ATCAY: variants seen among roughly 807,000 people sequenced by gnomAD.
ATCAY encodes the protein caytaxin.
In ATCAY, 22 loss-of-function variants were observed where a neutral mutation model predicts 47.7. The observed-to-expected ratio is 0.46, with a 90% CI of 0.33 to 0.66. The LOEUF (loss-of-function observed/expected upper bound fraction) is 0.66, where lower values mean the gene tolerates loss of function less well. Among genes scored for constraint, ATCAY ranks in the 30% least tolerant of loss-of-function variants. The probability of loss-of-function intolerance (pLI) is 0.02; values close to 1 mark genes in which losing one functional copy is unlikely to be tolerated. For synonymous variants in ATCAY, 216 were observed against 207.6 expected, an observed-to-expected ratio of 1.04 and a Z score of -0.35; for missense variants, 452 against 515.0, an observed-to-expected ratio of 0.88 and a Z score of 1.18.
At chr19:3,903,479 A>G (rs1001436318) in intron 3 of ATCAY, among the ~76,000 whole-genome samples, 1 of 152,046 alleles carries the variant, frequency 6.6e-6, no homozygotes, top group Non-Finnish European at 1.5e-5. Context: ...AGCCCCACTT[A>G]ACGACATTCA....
intron 2 of ATCAY, among the ~76,000 whole-genome samples, chr19:3,901,304 T>C (rs917695112): frequency 6.6e-6 from 1 of 152,226 alleles, no homozygotes; most frequent in African/African-American, 2.4e-5. Context: ...CAGTGACTTA[T>C]TTATATCCGT....
In ATCAY at chr19:3,923,187, C is replaced by A. The variant is rs560203868; in HGVS notation, c.1107-1396C>A. ...GCTTAAGGGGCACTGAGTAAAAGTT[C>A]TCAATGTATTTCTGAAAAGACCACC... On this transcript the variant is annotated intron_variant, in intron 12 of 12. Transcript: ENST00000450849. Among the ~76,000 whole-genome samples the A allele has an allele frequency of 1.8e-3, 217 of 118,826 alleles. 1 individual carries two copies. The highest frequency in any genetic ancestry group is 4.1e-3 in the Admixed American group (46 of 11,194). The allele number at this position is 118,826 out of a possible 152,430, so 78.0% of individuals were successfully genotyped here. A position where few individuals can be genotyped will look rare whatever the true frequency, so the allele number is the denominator to read the frequency against.
intron 1 of ATCAY, among the ~76,000 whole-genome samples, chr19:3,881,890 C>A: frequency 7.2e-6 from 1 of 139,534 alleles, no homozygotes; most frequent in Non-Finnish European, 1.5e-5. Context: ...CCCATAGCAT[C>A]CAGGAGGGAT....
In ATCAY at chr19:3,891,304, G is replaced by A. The variant is rs150577928; in HGVS notation, c.77+5460G>A. Among the ~76,000 whole-genome samples the A allele has an allele frequency of 2.5e-3, 374 of 151,920 alleles. 4 individuals are homozygous for A. The highest frequency in any genetic ancestry group is 7.7e-3 in the African/African-American group (318 of 41,458). ...TAACCTCAAGTGATTCGCCTGCCTC[G>A]GCCTCCCAAAGTGCTGGGATTACAG... On this transcript the variant is annotated intron_variant, in intron 2 of 12. Transcript: ENST00000450849.
chr19:3,913,735 C>T (rs564066627), intron 8 of ATCAY, 23 bp from the exon 9 acceptor site: 3 of 1,605,634 alleles, frequency 1.9e-6, no homozygotes, highest in East Asian at 4.5e-5. Flanking sequence ...TTTCAGACCT[C>T]TCCCTCCTTC....
chr19:3,893,000 A>G (rs1475784045), intron 2 of ATCAY, among the ~76,000 whole-genome samples: 3 of 152,112 alleles, frequency 2.0e-5, no homozygotes, highest in African/African-American at 7.2e-5. Context: ...CCAAGACCCA[A>G]TCTGGGACCA....
At chr19:3,885,609 AG>A in intron 1 of ATCAY, 117 bp from the exon 2 acceptor site, 1 of 443,440 alleles carries the variant, frequency 2.3e-6, no homozygotes, top group Non-Finnish European at 3.8e-6. Flanking sequence ...AGAGAGGGGG[AG>A]GGGAAGGGGG....
chr19:3,889,295 A>C (rs994997298), intron 2 of ATCAY, among the ~76,000 whole-genome samples: 3 of 152,126 alleles, frequency 2.0e-5, no homozygotes, highest in African/African-American at 7.2e-5. Context: ...TGCCTGTAAT[A>C]CCAGCTACTC....
At chr19:3,887,387 G>T (rs1225090710) in intron 2 of ATCAY, among the ~76,000 whole-genome samples, 1 of 152,056 alleles carries the variant, frequency 6.6e-6, no homozygotes, top group East Asian at 1.9e-4. Context: ...GAGCCCAGAA[G>T]GCAGAGGTTG....
At chr19:3,899,759 G>A (rs143315274) in intron 2 of ATCAY, among the ~76,000 whole-genome samples, 10 of 152,224 alleles carry the variant, frequency 6.6e-5, no homozygotes, top group East Asian at 1.9e-4. Context: ...ACGCCCTGCC[G>A]CTAGGACCTC....
intron 4 of ATCAY, 42 bp downstream of exon 4, chr19:3,905,697 C>T (rs1599287504): frequency 1.9e-6 from 3 of 1,540,476 alleles, no homozygotes; most frequent in East Asian, 2.3e-5. Flanking sequence ...GAGCCCACCC[C>T]CCCCACCCCA....
intron 2 of ATCAY, 144 bp downstream of exon 2, chr19:3,885,988 A>G: frequency 1.3e-6 from 1 of 760,446 alleles, no homozygotes; most frequent in South Asian, 1.6e-5. Flanking sequence ...TCTCCCGCAC[A>G]CTCTGGGAGG....
intron 2 of ATCAY, chr19:3,893,586 T>C (rs952842557): frequency 6.6e-6 from 1 of 152,114 alleles, no homozygotes; most frequent in Non-Finnish European, 1.5e-5. Context: ...GATCTCCAAG[T>C]CTGGAGAGTC....
chr19:3,887,474 T>C (rs561517419), intron 2 of ATCAY, among the ~76,000 whole-genome samples: 1 of 150,604 alleles, frequency 6.6e-6, no homozygotes, highest in South Asian at 2.1e-4. Context: ...ATTTTATTTT[T>C]TTTATTTTAT....
intron 12 of ATCAY, among the ~76,000 whole-genome samples, 194 bp from the exon 13 acceptor site, chr19:3,924,389 G>A (rs1359391445): frequency 6.6e-6 from 1 of 152,174 alleles, no homozygotes; most frequent in African/African-American, 2.4e-5. Context: ...TGAGGCACCA[G>A]GAAGGAGGCC....
intron 8 of ATCAY, 60 bp from the exon 9 acceptor site, chr19:3,913,698 T>G: frequency 7.4e-7 from 1 of 1,352,730 alleles, no homozygotes; most frequent in Non-Finnish European, 1.0e-6. Flanking sequence ...TGTCTGGACC[T>G]AGGTAACCCC....
chr19:3,902,202 G>A (rs1008531327), intron 2 of ATCAY, among the ~76,000 whole-genome samples: 1 of 151,640 alleles, frequency 6.6e-6, no homozygotes, highest in African/African-American at 2.4e-5. Context: ...TGCACCTGTA[G>A]TCCCAGCTAC....
Position 3,923,544 on chromosome 19 carries a change from G to A in ATCAY, c.1107-1039G>A, listed in dbSNP as rs375158666. On this transcript the variant is annotated intron_variant, in intron 12 of 12. Transcript: ENST00000450849. ...ATGGGAGGATAGATGGATGATAGGT[G>A]GATGGATGGATGGATAAATGGATGG... Among the ~76,000 whole-genome samples, 25 of 150,616 alleles carry A rather than the reference G, an allele frequency of 1.7e-4. No individual in the cohort carries two copies. The East Asian group carries it at 4.8e-3, about 29-fold the overall frequency.
rs141455019 is a variant in ATCAY at position 3,924,905 on chromosome 19, G to A, written c.*313G>A. 643 of 364,282 alleles carry A rather than the reference G, an allele frequency of 1.8e-3. No individual in the cohort carries two copies. Among genetic ancestry groups the A allele is most frequent in the African/African-American group, 0.013 (606 of 48,286 alleles). The allele number at this position is 364,282 out of a possible 1,614,324, so 22.6% of individuals were successfully genotyped here. A position where few individuals can be genotyped will look rare whatever the true frequency, so the allele number is the denominator to read the frequency against. Reference sequence around the variant, plus strand: ...CGCAGGGGGTGGCCCGCGTGGCGTCGGTGGCCTCCGCTCCTGCTCGCAGCC... The same window carrying A: ...CGCAGGGGGTGGCCCGCGTGGCGTCAGTGGCCTCCGCTCCTGCTCGCAGCC... On this transcript the variant is annotated 3_prime_UTR_variant, in exon 13 of 13. Coordinates refer to ENST00000450849, the MANE Select transcript of ATCAY (RefSeq NM_033064.5).
Sources: allele counts gnomAD v4.1 joint callset (sites outside exome capture counted in the v4.1 genomes callset), GRCh38; gene constraint gnomAD v4.1.1; transcripts MANE v1.5; gene names NCBI Gene and HGNC (gene_info 2026-07-23, HGNC 2026-07-21).